NID1: variants seen among roughly 807,000 people sequenced by gnomAD.
NID1 encodes nidogen-1.
Under a neutral mutation model 130.6 loss-of-function variants are expected in NID1, and 76 were observed. The observed-to-expected ratio is 0.58, with a 90% CI of 0.48 to 0.70. The LOEUF is 0.70. Ranked by LOEUF, NID1 falls within the 30% of genes least tolerant of loss-of-function variation. The pLI is 0.00. For synonymous variants in NID1, 665 were observed against 675.1 expected (o/e 0.98, Z 0.23); for missense variants, 1,517 against 1,664.8 (o/e 0.91, Z 1.54).
At chr1:236,053,112 T>C (rs1019323130) in intron 1 of NID1, among the ~76,000 whole-genome samples, 9 of 152,238 alleles carry the variant, frequency 5.9e-5, no homozygotes, top group African/African-American at 2.2e-4. Context: ...TTGAACCCAC[T>C]ACCATCATGA....
At chr1:236,005,857 A>C (rs1658232512) in intron 12 of NID1, among the ~76,000 whole-genome samples, 1 of 152,242 alleles carries the variant, frequency 6.6e-6, no homozygotes, top group South Asian at 2.1e-4. Flanking sequence ...ATAAATGTGC[A>C]CAGTGCCCTC....
intron 1 of NID1, among the ~76,000 whole-genome samples, chr1:236,062,021 C>G (rs1022296420): frequency 1.3e-5 from 2 of 151,858 alleles, no homozygotes; most frequent in Non-Finnish European, 2.9e-5. Flanking sequence ...TTTGACAGTT[C>G]CTCAAAATAT....
chr1:235,986,657 T>C (rs1657582895), intron 14 of NID1, among the ~76,000 whole-genome samples: 1 of 152,218 alleles, frequency 6.6e-6, no homozygotes. Flanking sequence ...AGACAGCGTC[T>C]CACTATGTTG....
chr1:236,006,774 CTT>C (rs1372757520), intron 12 of NID1, among the ~76,000 whole-genome samples: 1 of 152,142 alleles, frequency 6.6e-6, no homozygotes, highest in African/African-American at 2.4e-5. Context: ...TAAAGCTCTA[CTT>C]CAAGATCTGA....
At chr1:236,012,453 G>C (rs1011754251) in intron 11 of NID1, among the ~76,000 whole-genome samples, 2 of 151,562 alleles carry the variant, frequency 1.3e-5, no homozygotes, top group African/African-American at 4.9e-5. Flanking sequence ...AGCTATTCTG[G>C]AGGCTGAGGC....
At chr1:236,052,507 T>C (rs1659788982) in intron 1 of NID1, among the ~76,000 whole-genome samples, 1 of 152,186 alleles carries the variant, frequency 6.6e-6, no homozygotes, top group Admixed American at 6.5e-5. Context: ...TTCCTTCCTC[T>C]TTCTCACCAC....
At chr1:236,010,294 T>C (rs908010975) in intron 12 of NID1, among the ~76,000 whole-genome samples, 7 of 148,954 alleles carry the variant, frequency 4.7e-5, no homozygotes, top group African/African-American at 1.7e-4. Context: ...TAGTAGGCTA[T>C]TTATACTTTT....
chr1:236,019,139 C>A (rs2102821267), intron 9 of NID1, among the ~76,000 whole-genome samples: 1 of 152,364 alleles, frequency 6.6e-6, no homozygotes, highest in Non-Finnish European at 1.5e-5. Flanking sequence ...GGTTCTGGAA[C>A]AAAGCCCCTC....
At chr1:236,048,659 TA>T in intron 2 of NID1, 30 bp downstream of exon 2, 1 of 1,598,922 alleles carries the variant, frequency 6.3e-7, no homozygotes. Flanking sequence ...TGTGTCTGAT[TA>T]CCTGCACTTG....
At position 235,979,012 on chromosome 1, in the gene NID1, A is replaced by G. The variant is rs1322882471; in HGVS notation, c.3605T>C (p.Leu1202Pro). The G allele has an allele frequency of 6.2e-7, 1 of 1,613,146 alleles. No homozygotes were observed. Among genetic ancestry groups the G allele is most frequent in the Admixed American group, 1.7e-5 (1 of 60,008 alleles). ...AGAGTTACCTTGCGGACACTGAGAC[A>G]GGGCCGTGGTGATGCCATACAGCCG... ...QTRLYGITTA[L>P]SQCPQGHNYC... The change falls in exon 19 of 20, where the codon CTG becomes CCG. Residue 1202 changes from leucine (L) to proline (P), a missense_variant. Coordinates refer to ENST00000264187, the MANE Select transcript of NID1 (RefSeq NM_002508.3). The surrounding 1 kb of genome is among the most constrained non-coding windows in gnomAD (Gnocchi z 4.6).
chr1:236,039,635 A>G (rs1659389774), intron 4 of NID1, among the ~76,000 whole-genome samples: 1 of 152,238 alleles, frequency 6.6e-6, no homozygotes, highest in Non-Finnish European at 1.5e-5. Flanking sequence ...TTTGGAATGA[A>G]ATTCAAAAGC....
intron 15 of NID1, among the ~76,000 whole-genome samples, chr1:235,982,104 C>G (rs1485674215): frequency 2.0e-5 from 3 of 152,148 alleles, no homozygotes; most frequent in Non-Finnish European, 2.9e-5. Context: ...CCTATGGGAG[C>G]CTGGAGGAGG....
intron 9 of NID1, among the ~76,000 whole-genome samples, chr1:236,023,393 A>G (rs1436259454): frequency 6.6e-6 from 1 of 152,260 alleles, no homozygotes; most frequent in Non-Finnish European, 1.5e-5. Context: ...CCACATATGC[A>G]ATCGTTAGAA....
At chr1:236,012,881 C>A (rs1303212766) in intron 11 of NID1, among the ~76,000 whole-genome samples, 5 of 152,160 alleles carry the variant, frequency 3.3e-5, no homozygotes, top group South Asian at 2.1e-4. Flanking sequence ...GATGGGCTAT[C>A]TTACCTAAAA....
intron 4 of NID1, among the ~76,000 whole-genome samples, chr1:236,041,178 C>T (rs1659439431): frequency 6.6e-6 from 1 of 152,170 alleles, no homozygotes. Flanking sequence ...AGCAATCCTC[C>T]TGCCTCAGCC....
At position 235,977,249 on chromosome 1, in the gene NID1, G is replaced by T. The variant is rs1253168186; in HGVS notation, c.*618C>A. 6.6e-6 allele frequency: 1 copy of T among 152,292 alleles called. No homozygotes were observed. The highest frequency in any genetic ancestry group is 1.5e-5 in the Non-Finnish European group (1 of 68,178). The allele number at this position is 152,292 out of a possible 1,614,324, so 9.4% of individuals were successfully genotyped here. A position where few individuals can be genotyped will look rare whatever the true frequency, so the allele number is the denominator to read the frequency against. Reference sequence around the variant, plus strand: ...CCACCAAATGCCCATAGATCTCTAGGACAGGGTAGGTTTTGATGAAAAAGC... The same window carrying T: ...CCACCAAATGCCCATAGATCTCTAGTACAGGGTAGGTTTTGATGAAAAAGC... On this transcript the variant is annotated 3_prime_UTR_variant, in exon 20 of 20. Coordinates refer to ENST00000264187, the MANE Select transcript of NID1 (RefSeq NM_002508.3).
chr1:236,031,105 CTTTTCTTT>C (rs751026919), intron 6 of NID1, among the ~76,000 whole-genome samples: 72 of 151,954 alleles, frequency 4.7e-4, no homozygotes, highest in African/African-American at 9.2e-4. Flanking sequence ...AGGTTCAATC[CTTTTCTTT>C]TTTTCTTTTT....
intron 14 of NID1, among the ~76,000 whole-genome samples, chr1:235,987,246 A>G (rs1202513082): frequency 6.6e-6 from 1 of 152,230 alleles, no homozygotes; most frequent in Non-Finnish European, 1.5e-5. Flanking sequence ...ATACATAGAC[A>G]AAACTCCAAC....
At chr1:235,988,478 C>T (rs893500017) in intron 14 of NID1, among the ~76,000 whole-genome samples, 3 of 152,064 alleles carry the variant, frequency 2.0e-5, no homozygotes, top group Admixed American at 6.6e-5. Context: ...GGTTGTTCCT[C>T]AAAAAATTAA....
Sources: gnomAD v4.1 joint callset for allele counts (sites outside exome capture counted in the v4.1 genomes callset) on GRCh38, gnomAD v4.1.1 for gene constraint, Gnocchi (gnomAD v3.1) non-coding constraint, MANE v1.5 for transcripts, NCBI Gene and HGNC (gene_info 2026-07-23, HGNC 2026-07-21) for gene names.